Variants in KCNH7 observed in about 807,000 individuals in gnomAD.
KCNH7 encodes the protein voltage-gated inwardly rectifying potassium channel KCNH7.
KCNH7 carries 49 observed loss-of-function variants against 120.8 expected under a neutral mutation model. That is an observed-to-expected ratio of 0.41 (90% confidence interval 0.32 to 0.51). The LOEUF is 0.51. KCNH7 is among the 20% of genes least tolerant of loss of function. The pLI, the probability that KCNH7 is intolerant of heterozygous loss-of-function variation, is 0.38. For synonymous variants in KCNH7, 547 were observed against 516.1 expected (o/e 1.06, Z -0.81); for missense variants, 1,097 against 1,446.6 (o/e 0.76, Z 3.92).
chr2:162,416,934 C>A (rs79039707), intron 9 of KCNH7, among the ~76,000 whole-genome samples: 170 of 152,218 alleles, frequency 1.1e-3, no homozygotes, highest in Non-Finnish European at 2.1e-3. Context: ...CCACACTCAT[C>A]CACATGGATT....
chr2:162,756,498 A>T (rs1054892607), intron 2 of KCNH7, among the ~76,000 whole-genome samples: 1 of 152,116 alleles, frequency 6.6e-6, no homozygotes, highest in African/African-American at 2.4e-5. Context: ...ACAGAATCTC[A>T]TTCTGTCACC....
At chr2:162,571,467 T>G (rs1470000328) in intron 2 of KCNH7, among the ~76,000 whole-genome samples, 145 of 145,108 alleles carry the variant, frequency 1.0e-3, no homozygotes, top group Middle Eastern at 6.8e-3. Flanking sequence ...ATGGCCATAC[T>G]GCCCAAGGTA....
At chr2:162,616,894 T>C (rs759536710) in intron 2 of KCNH7, among the ~76,000 whole-genome samples, 54 of 152,152 alleles carry the variant, frequency 3.5e-4, no homozygotes, top group Admixed American at 1.6e-3. Flanking sequence ...GAAATTGATT[T>C]TAAAGAGGAG....
chr2:162,457,583 T>G (rs1689011155), intron 6 of KCNH7, among the ~76,000 whole-genome samples: 1 of 152,158 alleles, frequency 6.6e-6, no homozygotes, highest in African/African-American at 2.4e-5. Flanking sequence ...CTGTGAAAAT[T>G]TTGTGCGAAC....
At chr2:162,389,975 A>G (rs1244598038) in intron 12 of KCNH7, among the ~76,000 whole-genome samples, 1 of 152,016 alleles carries the variant, frequency 6.6e-6, no homozygotes, top group Non-Finnish European at 1.5e-5. Context: ...AGAAATAAAC[A>G]TGAAAAAACT....
Position 162,389,781 on chromosome 2 carries a change from A to C in KCNH7, c.2710+4608T>G, listed in dbSNP as rs190119786. ...CATGACTTGGCACAAAATAGTAAAA[A>C]TAATTTCCTCAGAATTCTGTAGAAA... On this transcript the variant is annotated intron_variant, in intron 12 of 15. Transcript: ENST00000332142. Among the ~76,000 whole-genome samples, 117 of 152,182 alleles carry C rather than the reference A, an allele frequency of 7.7e-4. 2 individuals carry two copies. Among genetic ancestry groups the C allele is most frequent in the Admixed American group, 7.6e-3 (116 of 15,260 alleles).
At chr2:162,578,874 T>C (rs1693774565) in intron 2 of KCNH7, among the ~76,000 whole-genome samples, 1 of 152,038 alleles carries the variant, frequency 6.6e-6, no homozygotes, top group Admixed American at 6.6e-5. Context: ...AATATTATTA[T>C]TATTATTTTC....
chr2:162,672,100 G>A (rs1292412777), intron 2 of KCNH7, among the ~76,000 whole-genome samples: 3 of 152,016 alleles, frequency 2.0e-5, no homozygotes, highest in African/African-American at 4.8e-5. Context: ...ATTCATTATC[G>A]TTGTGGGAGA....
At chr2:162,681,334 A>G (rs1386760203) in intron 2 of KCNH7, among the ~76,000 whole-genome samples, 1 of 151,680 alleles carries the variant, frequency 6.6e-6, no homozygotes, top group Non-Finnish European at 1.5e-5. Context: ...ACCTTTAGGA[A>G]GAAGGATGAG....
chr2:162,603,206 G>A (rs1165013865), intron 2 of KCNH7, among the ~76,000 whole-genome samples: 1 of 151,872 alleles, frequency 6.6e-6, no homozygotes, highest in Non-Finnish European at 1.5e-5. Context: ...GATATTGCTG[G>A]TACAACATGT....
intron 2 of KCNH7, among the ~76,000 whole-genome samples, chr2:162,832,369 T>A (rs1459674697): frequency 6.6e-6 from 1 of 152,148 alleles, no homozygotes; most frequent in Non-Finnish European, 1.5e-5. Context: ...AATTTCTGTT[T>A]GTACTAATAA....
At chr2:162,655,140 GA>G (rs576807257) in intron 2 of KCNH7, among the ~76,000 whole-genome samples, 1 of 152,012 alleles carries the variant, frequency 6.6e-6, no homozygotes, top group Non-Finnish European at 1.5e-5. Flanking sequence ...GTTCTCACAA[GA>G]AAAAATAGGT....
chr2:162,536,033 T>TA (rs573573001), intron 3 of KCNH7, among the ~76,000 whole-genome samples: 469 of 151,960 alleles, frequency 3.1e-3, no homozygotes, highest in African/African-American at 0.011. Flanking sequence ...TCAGAGATCC[T>TA]AAAAAATGAA....
intron 2 of KCNH7, among the ~76,000 whole-genome samples, chr2:162,558,267 T>C (rs891527547): frequency 6.6e-6 from 1 of 151,902 alleles, no homozygotes; most frequent in Non-Finnish European, 1.5e-5. Context: ...CTCTGCCTCC[T>C]GGGTTCACGC....
chr2:162,761,593 A>T (rs776106065), intron 2 of KCNH7, among the ~76,000 whole-genome samples: 3 of 152,118 alleles, frequency 2.0e-5, no homozygotes, highest in Non-Finnish European at 4.4e-5. Context: ...CAACTCTATC[A>T]TTATACACCA....
chr2:162,582,774 T>C (rs1196645779), intron 2 of KCNH7, among the ~76,000 whole-genome samples: 3 of 152,112 alleles, frequency 2.0e-5, no homozygotes, highest in Non-Finnish European at 4.4e-5. Context: ...CTGACACTAA[T>C]TAGCTGTGTG....
intron 2 of KCNH7, among the ~76,000 whole-genome samples, chr2:162,760,246 T>C (rs11891883): frequency 2.0e-5 from 3 of 152,072 alleles, no homozygotes; most frequent in Non-Finnish European, 4.4e-5. Context: ...CTAAAAAAAG[T>C]CTCAAGTAGA....
chr2:162,709,978 A>C (rs982252005), intron 2 of KCNH7, among the ~76,000 whole-genome samples: 5 of 152,142 alleles, frequency 3.3e-5, no homozygotes, highest in Non-Finnish European at 5.9e-5. Flanking sequence ...GTAGATATTG[A>C]AGGGAACCCA....
intron 2 of KCNH7, among the ~76,000 whole-genome samples, chr2:162,623,510 T>C (rs1683435794): frequency 6.6e-6 from 1 of 152,200 alleles, no homozygotes; most frequent in East Asian, 1.9e-4. Context: ...ATGGGGTCTA[T>C]TAATATCATG....
Sources: allele counts gnomAD v4.1 joint callset (sites outside exome capture counted in the v4.1 genomes callset), GRCh38; gene constraint gnomAD v4.1.1; transcripts MANE v1.5; gene names NCBI Gene and HGNC (gene_info 2026-07-23, HGNC 2026-07-21).